Variants in POGZ observed in about 807,000 individuals in gnomAD.
POGZ encodes the protein pogo transposable element derived with ZNF domain, also known as pogo transposable element with ZNF domain.
A neutral mutation model predicts 134.6 loss-of-function variants in POGZ; 17 were observed. That is an observed-to-expected ratio of 0.13 (90% CI 0.09 to 0.19). The LOEUF is 0.19. Among genes scored for constraint, POGZ ranks in the 10% least tolerant of loss-of-function variants. POGZ has a pLI of 1.00. For synonymous variants in POGZ, 693 were observed against 657.1 expected (o/e 1.05, Z -0.84); for missense variants, 1,306 against 1,769.7 (o/e 0.74, Z 4.70).
Position 151,404,068 on chromosome 1 carries a change from G to C in POGZ, c.*734C>G, listed in dbSNP as rs1200382339. 1 of 985,320 alleles carries C rather than the reference G, an allele frequency of 1.0e-6. No homozygotes were observed. Among genetic ancestry groups the C allele is most frequent in the Non-Finnish European group, 1.2e-6 (1 of 829,930 alleles). 61.0% of individuals were successfully genotyped at this position (985,320 alleles called of 1,614,324 possible). ...CATGTTTTGGAGGGAAGGTGGTGAG[G>C]AAAAGACAAATCTATTCATTCTGGA... is the stretch of plus-strand genomic sequence containing the variant. On this transcript the variant is annotated 3_prime_UTR_variant, in exon 19 of 19. Coordinates refer to ENST00000271715, the MANE Select transcript of POGZ (RefSeq NM_015100.4).
At position 151,405,992 on chromosome 1, in the gene POGZ, C is replaced by T. The variant is rs1653515533; in HGVS notation, c.3043G>A (p.Gly1015Arg). 1 of 1,614,222 alleles carries T rather than the reference C, an allele frequency of 6.2e-7. No individual in the cohort carries two copies. The highest frequency in any genetic ancestry group is 2.2e-5 in the East Asian group (1 of 44,888). Reference sequence around the variant, plus strand: ...AGATATTTGCCCTCTAGATTCTCCCCCTGGGAGGCCTGGAAACGTCGAAGC... The same window carrying T: ...AGATATTTGCCCTCTAGATTCTCCCTCTGGGAGGCCTGGAAACGTCGAAGC... Reference protein sequence around the residue: ...RWLRRFQASQGENLEGKYLSF... With the variant: ...RWLRRFQASQRENLEGKYLSF... The change falls in exon 19 of 19, where the codon GGG becomes AGG. Residue 1015 changes from glycine (G) to arginine (R), a missense_variant. Gly to Arg is a moderately radical substitution (Grantham distance 125, BLOSUM62 -2). Around this residue, in one of 10 missense-constraint regions of POGZ, gnomAD observed 214 missense variants for 255.5 expected, o/e 0.84. Transcript: ENST00000271715. The surrounding 1 kb of genome is among the most constrained non-coding windows in gnomAD (Gnocchi z 4.9).
chr1:151,407,614 A>T (rs1653874462), intron 15 of POGZ, among the ~76,000 whole-genome samples: 1 of 152,196 alleles, frequency 6.6e-6, no homozygotes, highest in African/African-American at 2.4e-5. Flanking sequence ...AAACCGAAAA[A>T]ACAGAGCCTC....
chr1:151,457,642 C>T (rs1279730803), intron 1 of POGZ, among the ~76,000 whole-genome samples: 1 of 152,096 alleles, frequency 6.6e-6, no homozygotes, highest in African/African-American at 2.4e-5. Flanking sequence ...AGAAGTAAAA[C>T]CCGGCCGGGC....
At chr1:151,429,732 A>T (rs1309466127) in intron 4 of POGZ, 21 bp from the exon 5 acceptor site, 1 of 1,414,230 alleles carries the variant, frequency 7.1e-7, no homozygotes, top group Non-Finnish European at 1.0e-6. Flanking sequence ...AAGCAAAATG[A>T]TCTTTAACAT....
chr1:151,407,366 G>T, intron 15 of POGZ, 75 bp from the exon 16 acceptor site: 2 of 974,064 alleles, frequency 2.1e-6, no homozygotes, highest in Non-Finnish European at 3.2e-6. Flanking sequence ...CAGTGACAAT[G>T]CCCCCAACAA....
rs989447393 is a variant in POGZ at position 151,404,281 on chromosome 1, A to G, written c.*521T>C. On this transcript the variant is annotated 3_prime_UTR_variant, in exon 19 of 19. Transcript: ENST00000271715. ...ACAATGAAAAAAGTTTTTTATCCAT[A>G]TATATAATAAACCAGTTTGTGAGCT... is the stretch of plus-strand genomic sequence containing the variant. The G allele has an allele frequency of 9.2e-6, 9 of 983,192 alleles. No homozygotes were observed. The African/African-American group carries it at 1.6e-4, about 17-fold the overall frequency. 60.9% of individuals were successfully genotyped at this position (983,192 alleles called of 1,614,324 possible). A position where few individuals can be genotyped will look rare whatever the true frequency, so the allele number is the denominator to read the frequency against.
chr1:151,457,598 C>A (rs190223834), intron 1 of POGZ, among the ~76,000 whole-genome samples: 13 of 152,294 alleles, frequency 8.5e-5, no homozygotes, highest in Admixed American at 2.6e-4. Flanking sequence ...CTGCCCCCTC[C>A]GTTTCCCTTT....
At chr1:151,424,619 G>A (rs1226627545) in intron 8 of POGZ, among the ~76,000 whole-genome samples, 2 of 152,140 alleles carry the variant, frequency 1.3e-5, no homozygotes, top group Non-Finnish European at 2.9e-5. Flanking sequence ...AAAAATGGAA[G>A]TAAGAGCTCC....
At chr1:151,458,821 G>C (rs887358354) in intron 1 of POGZ, among the ~76,000 whole-genome samples, 2 of 145,508 alleles carry the variant, frequency 1.4e-5, no homozygotes, top group Admixed American at 6.8e-5. Flanking sequence ...GCGCGCGCGC[G>C]CGCCGCGGCG....
chr1:151,406,676 T>A, intron 17 of POGZ, 45 bp from the exon 18 acceptor site: 1 of 1,547,860 alleles, frequency 6.5e-7, no homozygotes, highest in Non-Finnish European at 8.9e-7. Flanking sequence ...AGTGAAAAAA[T>A]AAGCCCTCCA....
chr1:151,459,266 G>C lies in POGZ; in HGVS notation c.-116C>G, dbSNP rs1015550197. On this transcript the variant is annotated 5_prime_UTR_variant, in exon 1 of 19. Transcript: ENST00000271715. ...AGCAGGGGGAGGGGACGGGGGCTTGGGGGGAGACGAAGAAGAGGTAACCGT... is the reference window on the plus strand; with the variant it reads ...AGCAGGGGGAGGGGACGGGGGCTTGCGGGGAGACGAAGAAGAGGTAACCGT... The C allele has an allele frequency of 3.3e-5, 5 of 151,976 alleles. No homozygotes were observed. The highest frequency in any genetic ancestry group is 1.3e-4 in the Admixed American group (2 of 15,260). The allele number at this position is 151,976 out of a possible 1,614,324, so 9.4% of individuals were successfully genotyped here. A position where few individuals can be genotyped will look rare whatever the true frequency, so the allele number is the denominator to read the frequency against.
chr1:151,415,610 G>A (rs1231993546), intron 10 of POGZ, among the ~76,000 whole-genome samples: 1 of 148,614 alleles, frequency 6.7e-6, no homozygotes, highest in Admixed American at 6.8e-5. Context: ...GACAGAGCTT[G>A]CAGTGAGCCG....
rs1032889337 is a variant in POGZ at position 151,459,233 on chromosome 1, G to T, written c.-83C>A. On this transcript the variant is annotated 5_prime_UTR_variant, in exon 1 of 19. Transcript: ENST00000271715. ...GGGACCTTACACCCGGCGCCAGAAG[G>T]GGGTGGGAGCAGGGGGAGGGGACGG... 6.6e-6 allele frequency: 1 copy of T among 152,106 alleles called. No individual in the cohort carries two copies. Among genetic ancestry groups the T allele is most frequent in the Admixed American group, 6.5e-5 (1 of 15,286 alleles). The allele number at this position is 152,106 out of a possible 1,614,324, so 9.4% of individuals were successfully genotyped here.
intron 3 of POGZ, among the ~76,000 whole-genome samples, chr1:151,437,831 C>T (rs926040357): frequency 6.6e-6 from 1 of 152,124 alleles, no homozygotes; most frequent in African/African-American, 2.4e-5. Context: ...AAACTGAAGG[C>T]TTAAAGGGAA....
intron 10 of POGZ, among the ~76,000 whole-genome samples, chr1:151,417,726 AC>A (rs1557889884): frequency 3.6e-5 from 5 of 138,702 alleles, no homozygotes; most frequent in African/African-American, 6.4e-5. Context: ...ACACACACAC[AC>A]ACAAAAGGCC....
chr1:151,432,931 A>G (rs1658938626), intron 3 of POGZ, among the ~76,000 whole-genome samples: 1 of 152,142 alleles, frequency 6.6e-6, no homozygotes, highest in South Asian at 2.1e-4. Context: ...TGATGAACTA[A>G]CTCTTTTAAT....
intron 3 of POGZ, 78 bp downstream of exon 3, chr1:151,440,850 G>A: frequency 8.3e-7 from 1 of 1,199,202 alleles, no homozygotes; most frequent in Non-Finnish European, 1.2e-6. Flanking sequence ...AACTAAACAG[G>A]TAGGGCTGTC....
intron 17 of POGZ, 23 bp from the exon 18 acceptor site, chr1:151,406,654 AAT>A: frequency 6.2e-7 from 1 of 1,602,056 alleles, no homozygotes; most frequent in Non-Finnish European, 8.5e-7. Context: ...AAACAACAAA[AAT>A]AGTTAGCTCA....
intron 3 of POGZ, among the ~76,000 whole-genome samples, chr1:151,432,756 C>T (rs1393394772): frequency 3.9e-5 from 6 of 152,072 alleles, no homozygotes; most frequent in Non-Finnish European, 2.9e-5. Flanking sequence ...TCAAAATATA[C>T]CTTCTACATA....
Sources: gnomAD v4.1 joint callset for allele counts (sites outside exome capture counted in the v4.1 genomes callset) on GRCh38, gnomAD v4.1.1 for gene constraint, gnomAD v4.1.1 regional missense constraint, Gnocchi (gnomAD v3.1) non-coding constraint, MANE v1.5 for transcripts, NCBI Gene and HGNC (gene_info 2026-07-23, HGNC 2026-07-21) for gene names.